The following MACO1 variants were observed in gnomAD, a reference collection of about 807,000 sequenced individuals.
MACO1 encodes macoilin.
MACO1 carries 14 observed loss-of-function variants against 78.7 expected under a neutral mutation model. That is an observed-to-expected ratio of 0.18 (90% CI 0.12 to 0.28). The LOEUF (loss-of-function observed/expected upper bound fraction) is 0.28. Ranked by LOEUF, MACO1 falls within the 10% of genes least tolerant of loss-of-function variation. The pLI, the probability that MACO1 is intolerant of heterozygous loss-of-function variation, is 1.00. For synonymous variants in MACO1, 288 were observed against 291.6 expected, an observed-to-expected ratio of 0.99 and a Z score of 0.12; for missense variants, 501 against 799.0, an observed-to-expected ratio of 0.63 and a Z score of 4.50.
At chr1:25,442,043 G>A (rs556653881) in intron 1 of MACO1, among the ~76,000 whole-genome samples, 1 of 152,298 alleles carries the variant, frequency 6.6e-6, no homozygotes, top group Non-Finnish European at 1.5e-5. Context: ...GATTGTATGC[G>A]CAAGTAGCCT....
At chr1:25,453,387 G>A (rs570169177) in intron 3 of MACO1, among the ~76,000 whole-genome samples, 1 of 150,698 alleles carries the variant, frequency 6.6e-6, no homozygotes, top group South Asian at 2.1e-4. Context: ...TTCTGGGCCG[G>A]GCACGGTGGC....
chr1:25,477,477 C>G (rs1371160618), intron 6 of MACO1, among the ~76,000 whole-genome samples: 2 of 152,170 alleles, frequency 1.3e-5, no homozygotes, highest in Non-Finnish European at 2.9e-5. Flanking sequence ...GAGCCTAGAG[C>G]CTCTCTGTCA....
chr1:25,495,786 A>T (rs1328899658), intron 10 of MACO1, among the ~76,000 whole-genome samples: 2 of 152,106 alleles, frequency 1.3e-5, no homozygotes, highest in African/African-American at 2.4e-5. Context: ...ACATAGTGAA[A>T]CCCCGTCTCT....
chr1:25,479,440 GTCTC>G (rs1479291915), intron 6 of MACO1, among the ~76,000 whole-genome samples: 20 of 151,882 alleles, frequency 1.3e-4, no homozygotes, highest in Admixed American at 1.3e-4. Flanking sequence ...TTGAAATGGA[GTCTC>G]TCTCTGTCGC....
chr1:25,447,760 T>A (rs76218273), intron 2 of MACO1, among the ~76,000 whole-genome samples: 2 of 152,310 alleles, frequency 1.3e-5, no homozygotes, highest in East Asian at 1.9e-4. Flanking sequence ...CTTGGAGGGA[T>A]CTCAAAGACA....
chr1:25,490,025 A>C (rs938330262), intron 9 of MACO1, among the ~76,000 whole-genome samples: 1 of 152,214 alleles, frequency 6.6e-6, no homozygotes, highest in African/African-American at 2.4e-5. Context: ...ACATATAAAG[A>C]AATTCCAGAT....
At chr1:25,484,538 T>C (rs1413678686) in intron 7 of MACO1, among the ~76,000 whole-genome samples, 4 of 152,258 alleles carry the variant, frequency 2.6e-5, no homozygotes, top group African/African-American at 4.8e-5. Flanking sequence ...AAAATAGTTA[T>C]TGAGTTTTTG....
intron 3 of MACO1, among the ~76,000 whole-genome samples, chr1:25,449,603 CAA>C (rs1431870818): frequency 1.3e-5 from 2 of 151,976 alleles, no homozygotes. Flanking sequence ...CTCCTGGGCT[CAA>C]ATGATCCTCC....
At chr1:25,441,610 G>A (rs1237941929) in intron 1 of MACO1, among the ~76,000 whole-genome samples, 1 of 152,192 alleles carries the variant, frequency 6.6e-6, no homozygotes, top group East Asian at 1.9e-4. Flanking sequence ...CTTTACATCC[G>A]AACAGTTAAT....
chr1:25,442,801 A>C (rs1451886041), intron 1 of MACO1, among the ~76,000 whole-genome samples: 2 of 152,144 alleles, frequency 1.3e-5, no homozygotes, highest in East Asian at 3.8e-4. Context: ...TTTCATTGGC[A>C]CTCGGAAGCT....
At chr1:25,467,068 GACCAACATGGTGAA>G (rs1051103511) in intron 6 of MACO1, among the ~76,000 whole-genome samples, 153 of 152,210 alleles carry the variant, frequency 1.0e-3, no homozygotes, top group Non-Finnish European at 6.8e-4. Context: ...AGACCAGCCT[GACCAACATGGTGAA>G]ACCTTGTCTC....
intron 6 of MACO1, among the ~76,000 whole-genome samples, chr1:25,474,184 A>C (rs1031437728): frequency 1.3e-5 from 2 of 152,222 alleles, no homozygotes; most frequent in African/African-American, 4.8e-5. Context: ...AATGTTGCCA[A>C]GTCTTCTGAT....
intron 10 of MACO1, among the ~76,000 whole-genome samples, chr1:25,491,828 C>T (rs1041828844): frequency 6.6e-6 from 1 of 152,214 alleles, no homozygotes. Context: ...ATTCAAGGAG[C>T]TCACAGTGTT....
intron 5 of MACO1, among the ~76,000 whole-genome samples, chr1:25,457,535 G>T (rs2043132177): frequency 6.6e-6 from 1 of 152,144 alleles, no homozygotes; most frequent in African/African-American, 2.4e-5. Context: ...ATGTAGAATT[G>T]AACTTCAGAA....
At chr1:25,453,805 A>G (rs570209300) in intron 3 of MACO1, among the ~76,000 whole-genome samples, 49 of 152,266 alleles carry the variant, frequency 3.2e-4, no homozygotes, top group Middle Eastern at 6.8e-3. Flanking sequence ...ACCTTTGCCC[A>G]TACCCTCCCT....
intron 1 of MACO1, among the ~76,000 whole-genome samples, chr1:25,434,329 T>C (rs779267115): frequency 6.6e-6 from 1 of 152,082 alleles, no homozygotes; most frequent in Non-Finnish European, 1.5e-5. Flanking sequence ...CCTGACAGAG[T>C]CGACATTCAG....
chr1:25,485,742 G>T lies in MACO1; in HGVS notation c.1443G>T (p.Lys481Asn), dbSNP rs1365088333. The change falls in exon 8 of 11, where the codon AAG becomes AAT. Residue 481 changes from lysine (K) to asparagine (N), a missense_variant. By Grantham distance (94) the Lys-to-Asn change is moderately conservative. Transcript: ENST00000374343. The surrounding 1 kb of genome is among the most constrained non-coding windows in gnomAD (Gnocchi z 4.3). ...AGTTAATGGAAGAGAAAAAGAGGAA[G>T]AAGTTAGAAGAAGCCACTGCTGCCC... ...EKQLMEEKKRKKLEEATAARA... is the reference protein window; with the variant it reads ...EKQLMEEKKRNKLEEATAARA... The T allele has an allele frequency of 1.2e-6, 2 of 1,614,028 alleles. No individual in the cohort carries two copies. Among genetic ancestry groups the T allele is most frequent in the East Asian group, 2.2e-5 (1 of 44,896 alleles).
intron 6 of MACO1, among the ~76,000 whole-genome samples, chr1:25,483,171 C>T (rs895648127): frequency 7.9e-5 from 12 of 152,230 alleles, no homozygotes; most frequent in African/African-American, 2.4e-4. Flanking sequence ...CTGCCTCAGC[C>T]TCCTGAGTAG....
chr1:25,458,909 C>T lies in MACO1; in HGVS notation c.1154+17C>T, dbSNP rs1406740796. On this transcript the variant is annotated intron_variant, in intron 6 of 10. Transcript: ENST00000374343. ...ACTGGTCAGGTAAGTGCACATGCTG[C>T]ATCCTTACTAACACTTTCCAGTAAA... 1.9e-6 allele frequency: 3 copies of T among 1,598,626 alleles called. No individual in the cohort carries two copies. In the East Asian group the frequency reaches 6.7e-5, roughly 36 times the overall value.
Sources: gnomAD v4.1 joint callset for allele counts (sites outside exome capture counted in the v4.1 genomes callset) on GRCh38, gnomAD v4.1.1 for gene constraint, Gnocchi (gnomAD v3.1) non-coding constraint, MANE v1.5 for transcripts, NCBI Gene and HGNC (gene_info 2026-07-23, HGNC 2026-07-21) for gene names.